The following BICRA variants were observed in gnomAD, a reference collection of about 807,000 sequenced individuals.
BICRA encodes BRD4 interacting chromatin remodeling complex associated protein, also known as BRD4-interacting chromatin-remodeling complex-associated protein.
Under a neutral mutation model 96.9 loss-of-function variants are expected in BICRA, and 31 were observed. That is an observed-to-expected ratio of 0.32 (90% CI 0.24 to 0.43). BICRA has a LOEUF of 0.43. Ranked by LOEUF, BICRA falls within the 20% of genes least tolerant of loss-of-function variation. The pLI is 1.00. For synonymous variants in BICRA, 1,350 were observed against 1,071.8 expected (o/e 1.26, Z -5.07); for missense variants, 2,283 against 2,190.3 (o/e 1.04, Z -0.84).
In BICRA at chr19:47,679,440, C is replaced by T. The variant is rs138544372; in HGVS notation, c.270C>T (p.Gly90=). 1.4e-3 allele frequency: 2,054 copies of T among 1,493,272 alleles called. 15 individuals carry two copies. In the African/African-American group the frequency reaches 0.026, roughly 19 times the overall value. The allele number at this position is 1,493,272 out of a possible 1,614,324, so 92.5% of individuals were successfully genotyped here. Residue 90 remains glycine, a synonymous_variant, in exon 6 of 15, where the codon GGC becomes GGT. Coordinates refer to ENST00000594866, the MANE Select transcript of BICRA (RefSeq NM_001394372.1). Reference sequence around the variant, plus strand: ...TGGGCTCTCCTGCGACAGGGGGCGGCGGCGGGGGCAGTGGGGGCGCTGACC... The same window carrying T: ...TGGGCTCTCCTGCGACAGGGGGCGGTGGCGGGGGCAGTGGGGGCGCTGACC... The part of the protein sequence containing the change: ...DILGSPATGG[G]GGGSGGADQP...
At position 47,699,411 on chromosome 19, in the gene BICRA, A is replaced by G; in HGVS notation, c.3595+6A>G. The G allele has an allele frequency of 7.3e-7, 1 of 1,371,884 alleles. No individual in the cohort carries two copies. Among genetic ancestry groups the G allele is most frequent in the Non-Finnish European group, 1.0e-6 (1 of 982,426 alleles). 85.0% of individuals were successfully genotyped at this position (1,371,884 alleles called of 1,614,324 possible). On this transcript the variant is annotated splice_donor_region_variant and intron_variant, in intron 14 of 14. Transcript: ENST00000594866. This position sits in a 1 kb window ranked among gnomAD's most constrained non-coding sequence, Gnocchi z 5.0. ...GCTGGCCAAGGAGAAGCCGGGTGAG[A>G]GGGGGGAGTGAGAGGGGAGGGGAGG...
At chr19:47,655,788 G>A (rs1447703849) in intron 1 of BICRA, among the ~76,000 whole-genome samples, 1 of 151,738 alleles carries the variant, frequency 6.6e-6, no homozygotes, top group African/African-American at 2.4e-5. Context: ...CCTGGGAGGT[G>A]GAGGTTGCAG....
Position 47,698,825 on chromosome 19 carries a change from C to G in BICRA, c.3397+43C>G, listed in dbSNP as rs374609233. 6.6e-7 allele frequency: 1 copy of G among 1,517,254 alleles called. No homozygotes were observed. The highest frequency in any genetic ancestry group is 1.2e-5 in the South Asian group (1 of 84,888). The allele number at this position is 1,517,254 out of a possible 1,614,324, so 94.0% of individuals were successfully genotyped here. On this transcript the variant is annotated intron_variant, in intron 12 of 14. Transcript: ENST00000594866. The surrounding 1 kb of genome is among the most constrained non-coding windows in gnomAD (Gnocchi z 4.8). ...CACGGCCCTATATGTCCCAGGGGAC[C>G]CCAGCCCGTGGGGCGGGGCGTCGCC...
intron 1 of BICRA, among the ~76,000 whole-genome samples, chr19:47,646,433 A>ACACAGACACACGTGTGCGCG (rs1159448849): frequency 1.4e-5 from 1 of 70,190 alleles, no homozygotes; most frequent in Admixed American, 1.4e-4. Flanking sequence ...ACACACATGC[A>ACACAGACACACGTGTGCGCG]CACAGACACA....
chr19:47,641,070 A>ATTTTTTTTTTTTTTTT (rs71180861), intron 1 of BICRA, among the ~76,000 whole-genome samples: 3 of 104,550 alleles, frequency 2.9e-5, no homozygotes, highest in Non-Finnish European at 5.5e-5. Flanking sequence ...TGCCTGGCTA[A>ATTTTTTTTTTTTTTTT]TTTTTTTTTT....
At chr19:47,697,541 A>G (rs1973366840) in intron 11 of BICRA, among the ~76,000 whole-genome samples, 1 of 151,490 alleles carries the variant, frequency 6.6e-6, no homozygotes, top group African/African-American at 2.4e-5. Context: ...GCAGTGGTAC[A>G]ATCTCGGCTC....
At chr19:47,628,070 G>C (rs1238727861) in intron 1 of BICRA, among the ~76,000 whole-genome samples, 1 of 152,032 alleles carries the variant, frequency 6.6e-6, no homozygotes, top group East Asian at 1.9e-4. Flanking sequence ...GCCGGGCCAG[G>C]GTGTGGGGTT....
Position 47,699,083 on chromosome 19 carries a change from G to A in BICRA, c.3492+24G>A. The A allele has an allele frequency of 1.4e-6, 2 of 1,442,612 alleles. No individual in the cohort carries two copies. Among genetic ancestry groups the A allele is most frequent in the Admixed American group, 2.0e-5 (1 of 51,260 alleles). 89.4% of individuals were successfully genotyped at this position (1,442,612 alleles called of 1,614,324 possible). On this transcript the variant is annotated intron_variant, in intron 13 of 14. Transcript: ENST00000594866. This position sits in a 1 kb window ranked among gnomAD's most constrained non-coding sequence, Gnocchi z 5.0. ...GGGTAGGGTCAGAGTCGCCTTCCTC[G>A]CCTCTGGGCTCCTCCTCGCTGGGAC... is the stretch of plus-strand genomic sequence containing the variant.
At chr19:47,653,225 G>T (rs543970196) in intron 1 of BICRA, among the ~76,000 whole-genome samples, 36 of 151,654 alleles carry the variant, frequency 2.4e-4, no homozygotes, top group Non-Finnish European at 4.4e-5. Flanking sequence ...GTTTCATCAT[G>T]TTGGCCAGGC....
chr19:47,686,893 TAC>T (rs924215189), intron 7 of BICRA, among the ~76,000 whole-genome samples: 17 of 152,336 alleles, frequency 1.1e-4, no homozygotes, highest in African/African-American at 3.8e-4. Context: ...CTCTCTGTTG[TAC>T]CACGGTGTCC....
At chr19:47,651,112 G>C (rs1972534007) in intron 1 of BICRA, among the ~76,000 whole-genome samples, 1 of 152,016 alleles carries the variant, frequency 6.6e-6, no homozygotes, top group African/African-American at 2.4e-5. Flanking sequence ...CCCCCTCTCT[G>C]TGCTTCCGTC....
chr19:47,691,792 C>T (rs1452899527), intron 7 of BICRA, among the ~76,000 whole-genome samples: 3 of 152,150 alleles, frequency 2.0e-5, no homozygotes, highest in African/African-American at 2.4e-5. Flanking sequence ...AACTCCTGGG[C>T]TCAAGTGATC....
rs752173945 is a variant in BICRA, at chr19:47,679,848, G to A, written c.678G>A (p.Thr226=). The A allele has an allele frequency of 5.4e-6, 8 of 1,492,418 alleles. No individual in the cohort carries two copies. The highest frequency in any genetic ancestry group is 5.2e-5 in the South Asian group (4 of 77,248). 92.4% of individuals were successfully genotyped at this position (1,492,418 alleles called of 1,614,324 possible). The change falls in exon 6 of 15, where the codon ACG becomes ACA. Residue 226 remains threonine (T), a synonymous_variant. Transcript: ENST00000594866. ...CCAATGGCAGCCCTGGGGGTGCCAC[G>A]GCGGCCACACTGGGCCTGGCGCCCA... ...GLPNGSPGGA[T]AATLGLAPIQ... is the part of the protein sequence containing the mutation.
Position 47,680,304 on chromosome 19 carries a change from C to T in BICRA, c.1134C>T (p.Leu378=), listed in dbSNP as rs530067145. The T allele has an allele frequency of 1.3e-6, 2 of 1,552,888 alleles. No homozygotes were observed. The highest frequency in any genetic ancestry group is 1.7e-6 in the Non-Finnish European group (2 of 1,157,768). ...CGTTTGCGCCCGCGGGCGCCACGCT[C>T]ACCATCCAGGGCGAGCCGGGGGCGC... The part of the protein sequence containing the change: ...PKPFAPAGAT[L]TIQGEPGALP... The change falls in exon 6 of 15, where the codon CTC becomes CTT. Residue 378 remains leucine (L), a synonymous_variant. Coordinates refer to ENST00000594866, the MANE Select transcript of BICRA (RefSeq NM_001394372.1).
chr19:47,645,052 A>T (rs1460999500), intron 1 of BICRA, among the ~76,000 whole-genome samples: 1 of 152,154 alleles, frequency 6.6e-6, no homozygotes, highest in Non-Finnish European at 1.5e-5. Context: ...TTGAACATTG[A>T]TTGATACAAC....
intron 1 of BICRA, among the ~76,000 whole-genome samples, chr19:47,629,535 C>T (rs535392304): frequency 2.8e-4 from 43 of 152,304 alleles, no homozygotes; most frequent in Non-Finnish European, 5.9e-4. Flanking sequence ...AATAATATTC[C>T]GTTGCATGAA....
At chr19:47,641,031 G>C (rs919105856) in intron 1 of BICRA, among the ~76,000 whole-genome samples, 2 of 149,492 alleles carry the variant, frequency 1.3e-5, no homozygotes, top group African/African-American at 4.9e-5. Context: ...TCCTGAGTAA[G>C]CTGGGACTAC....
chr19:47,623,840 C>G (rs1972100000), intron 1 of BICRA, among the ~76,000 whole-genome samples: 1 of 146,034 alleles, frequency 6.8e-6, no homozygotes, highest in Non-Finnish European at 1.5e-5. Context: ...TTCTTTCTCT[C>G]TCTCTCTTTT....
intron 1 of BICRA, among the ~76,000 whole-genome samples, chr19:47,646,370 C>T (rs1599812036): frequency 1.3e-5 from 2 of 152,266 alleles, no homozygotes; most frequent in Non-Finnish European, 1.5e-5. Flanking sequence ...GCCAGCCCCT[C>T]GTGAGTTTGG....
Sources: allele counts gnomAD v4.1 joint callset (sites outside exome capture counted in the v4.1 genomes callset), GRCh38; gene constraint gnomAD v4.1.1; non-coding constraint Gnocchi (gnomAD v3.1); transcripts MANE v1.5; gene names NCBI Gene and HGNC (gene_info 2026-07-23, HGNC 2026-07-21).